Variants in NLK observed in about 807,000 individuals in gnomAD.
NLK encodes serine/threonine-protein kinase NLK.
Under a neutral mutation model 59.0 loss-of-function variants are expected in NLK, and 11 were observed. That is an observed-to-expected ratio of 0.19 (90% CI 0.12 to 0.31). NLK has a LOEUF of 0.31. NLK is among the 10% of genes least tolerant of loss of function. The probability of loss-of-function intolerance (pLI) is 1.00; values close to 1 mark genes in which losing one functional copy is unlikely to be tolerated. For missense variants in NLK, 410 were observed against 661.1 expected, an observed-to-expected ratio of 0.62 and a Z score of 4.16; for synonymous variants, 235 against 235.9, an observed-to-expected ratio of 1.00 and a Z score of 0.03.
At chr17:28,191,792 A>G (rs1304207310) in intron 9 of NLK, among the ~76,000 whole-genome samples, 3 of 152,228 alleles carry the variant, frequency 2.0e-5, no homozygotes, top group Admixed American at 6.5e-5. Flanking sequence ...GTGATCTTCA[A>G]AAAGGCAATA....
At chr17:28,057,418 A>G (rs1440379181) in intron 1 of NLK, among the ~76,000 whole-genome samples, 4 of 152,256 alleles carry the variant, frequency 2.6e-5, no homozygotes, top group African/African-American at 9.6e-5. Flanking sequence ...TCGAAGTTTT[A>G]AAGCTTGTGA....
intron 1 of NLK, among the ~76,000 whole-genome samples, chr17:28,056,947 C>CTTTTTT (rs934652705): frequency 7.7e-4 from 67 of 86,858 alleles, no homozygotes; most frequent in East Asian, 1.5e-3. Flanking sequence ...CATTACCTAC[C>CTTTTTT]TTTTTTTTTT....
intron 1 of NLK, among the ~76,000 whole-genome samples, chr17:28,080,969 A>G (rs1054532346): frequency 3.3e-5 from 5 of 151,474 alleles, no homozygotes; most frequent in Non-Finnish European, 7.4e-5. Flanking sequence ...GGCTCACTGC[A>G]GCATCAACCT....
chr17:28,077,351 A>C (rs1910206599), intron 1 of NLK, among the ~76,000 whole-genome samples: 1 of 151,982 alleles, frequency 6.6e-6, no homozygotes, highest in African/African-American at 2.4e-5. Flanking sequence ...AAAAAGCAGA[A>C]TCCCCTGATA....
At chr17:28,159,383 G>A (rs1003948592) in intron 3 of NLK, among the ~76,000 whole-genome samples, 4 of 152,184 alleles carry the variant, frequency 2.6e-5, no homozygotes, top group Non-Finnish European at 4.4e-5. Flanking sequence ...ATGGATAGAT[G>A]TGTGACAAAG....
chr17:28,199,404 A>G (rs550804206), downstream of NLK, among the ~76,000 whole-genome samples: 517 of 152,016 alleles, frequency 3.4e-3, 3 homozygotes, highest in African/African-American at 0.012. Flanking sequence ...AGTGGCTCAC[A>G]CCTATAATCC....
intron 7 of NLK, among the ~76,000 whole-genome samples, chr17:28,180,085 CGTT>C (rs1908847970): frequency 6.6e-6 from 1 of 151,978 alleles, no homozygotes; most frequent in Non-Finnish European, 1.5e-5. Context: ...AAATTTTAAT[CGTT>C]GTCTTTCTGA....
chr17:28,204,227 T>G, the NLK span, among the ~76,000 whole-genome samples: 1 of 152,222 alleles, frequency 6.6e-6, no homozygotes, highest in African/African-American at 2.4e-5. Flanking sequence ...GCCAACCCAG[T>G]CATCCTAGCC....
At chr17:28,102,432 T>C (rs1423330220) in intron 1 of NLK, among the ~76,000 whole-genome samples, 1 of 151,868 alleles carries the variant, frequency 6.6e-6, no homozygotes, top group Non-Finnish European at 1.5e-5. Flanking sequence ...AGGTGGATCA[T>C]GAGGTCAGGA....
chr17:28,178,050 C>T (rs1908754144), intron 7 of NLK, among the ~76,000 whole-genome samples: 1 of 152,204 alleles, frequency 6.6e-6, no homozygotes, highest in Non-Finnish European at 1.5e-5. Context: ...CAAACTCCTG[C>T]TCATATGTCA....
intron 1 of NLK, among the ~76,000 whole-genome samples, chr17:28,120,826 A>G (rs929075685): frequency 6.6e-6 from 1 of 152,220 alleles, no homozygotes; most frequent in African/African-American, 2.4e-5. Flanking sequence ...AAGAAGTTTG[A>G]TATGGTTTTT....
downstream of NLK, among the ~76,000 whole-genome samples, chr17:28,200,642 C>T (rs1259436218): frequency 2.6e-5 from 4 of 152,154 alleles, no homozygotes; most frequent in Admixed American, 1.3e-4. Context: ...TGCCACCATG[C>T]CTGGATAATT....
In NLK at chr17:28,172,637, CT is replaced by C; in HGVS notation, c.1149+24del. On this transcript the variant is annotated intron_variant, in intron 7 of 10. Transcript: ENST00000407008. ...TAAACAGGTGAGAGGAGGGGGGAAT[CT>C]TTTTCTGGTAACCATCTGTTTGGGC... The C allele has an allele frequency of 4.3e-6, 6 of 1,391,566 alleles. No homozygotes were observed. Among genetic ancestry groups the C allele is most frequent in the South Asian group, 1.5e-5 (1 of 67,874 alleles). The allele number at this position is 1,391,566 out of a possible 1,614,324, so 86.2% of individuals were successfully genotyped here.
chr17:28,099,568 C>CTTTTTTTTTTTTT (rs945214545), intron 1 of NLK, among the ~76,000 whole-genome samples: 2 of 122,968 alleles, frequency 1.6e-5, no homozygotes, highest in African/African-American at 6.7e-5. Context: ...TTGTGTTTGA[C>CTTTTTTTTTTTTT]TTTTTTTTTT....
intron 1 of NLK, among the ~76,000 whole-genome samples, chr17:28,087,591 AT>A (rs1198562179): frequency 1.3e-5 from 2 of 152,218 alleles, no homozygotes; most frequent in Non-Finnish European, 2.9e-5. Flanking sequence ...ATACGGGCAT[AT>A]TTGGGGAATA....
chr17:28,101,177 T>C (rs1030443818), intron 1 of NLK, among the ~76,000 whole-genome samples: 3 of 152,230 alleles, frequency 2.0e-5, no homozygotes, highest in African/African-American at 7.2e-5. Flanking sequence ...CATATTGATT[T>C]CTGTAGCTTT....
chr17:28,189,012 C>CAT (rs1164936202), intron 8 of NLK, among the ~76,000 whole-genome samples: 5 of 151,792 alleles, frequency 3.3e-5, no homozygotes, highest in Admixed American at 2.6e-4. Context: ...CACACACACA[C>CAT]GCTGAACATC....
At chr17:28,110,911 C>A (rs1443206030) in intron 1 of NLK, among the ~76,000 whole-genome samples, 3 of 151,072 alleles carry the variant, frequency 2.0e-5, no homozygotes, top group Non-Finnish European at 3.0e-5. Context: ...GTGGCGGGAT[C>A]TCGGCTCACT....
intron 3 of NLK, among the ~76,000 whole-genome samples, chr17:28,151,038 CTT>C (rs1907459698): frequency 6.6e-6 from 1 of 152,172 alleles, no homozygotes; most frequent in Admixed American, 6.5e-5. Context: ...TGTTTTCACT[CTT>C]GTTTGGAGAC....
Sources: gnomAD v4.1 joint callset for allele counts (sites outside exome capture counted in the v4.1 genomes callset) on GRCh38, gnomAD v4.1.1 for gene constraint, MANE v1.5 for transcripts, NCBI Gene and HGNC (gene_info 2026-07-23, HGNC 2026-07-21) for gene names.